The following ZNF687 variants were observed in gnomAD, a reference collection of about 807,000 sequenced individuals.
The protein encoded by ZNF687 is zinc finger protein 687.
Under a neutral mutation model 71.8 loss-of-function variants are expected in ZNF687, and 13 were observed. The ratio of observed to expected loss-of-function variants is 0.18; its 90% CI spans 0.12 to 0.29. ZNF687 has a LOEUF of 0.29. Among genes scored for constraint, ZNF687 ranks in the 10% least tolerant of loss-of-function variants. ZNF687 has a pLI of 1.00. For synonymous variants in ZNF687, 673 were observed against 641.6 expected, an observed-to-expected ratio of 1.05 and a Z score of -0.74; for missense variants, 1,412 against 1,625.6, an observed-to-expected ratio of 0.87 and a Z score of 2.26.
chr1:151,286,975 C>G lies in ZNF687; in HGVS notation c.684C>G (p.Pro228=). The change falls in exon 2 of 9, where the codon CCC becomes CCG. Residue 228 remains proline (P), a synonymous_variant. Coordinates refer to ENST00000336715, the MANE Select transcript of ZNF687 (RefSeq NM_020832.3). ...LGALKQESCS[P]HHPQVLAQQG... ...CCTTGAAGCAGGAGAGCTGCAGCCC[C>G]CATCATCCCCAGGTCCTAGCCCAAC... is the stretch of plus-strand genomic sequence containing the variant. 1 of 1,605,240 alleles carries G rather than the reference C, an allele frequency of 6.2e-7. No individual in the cohort carries two copies.
In ZNF687 at chr1:151,289,125, T is replaced by C; in HGVS notation, c.2325T>C (p.Gly775=). ...CCAGCTGTTCAGTGGTGTTTGGGGG[T>C]GTGAACTCCATCAAGTCCCACATCC... The part of the protein sequence containing the change: ...RCPSCSVVFG[G]VNSIKSHIQT... Residue 775 remains glycine (G), a synonymous_variant, in exon 4 of 9, where the codon GGT becomes GGC. Coordinates refer to ENST00000336715, the MANE Select transcript of ZNF687 (RefSeq NM_020832.3). 6.2e-7 allele frequency: 1 copy of C among 1,614,016 alleles called. No individual in the cohort carries two copies. The highest frequency in any genetic ancestry group is 8.5e-7 in the Non-Finnish European group (1 of 1,179,996).
In ZNF687 at chr1:151,291,032, C is replaced by T. The variant is rs751579153; in HGVS notation, c.3537C>T (p.Ala1179=). 3.7e-6 allele frequency: 6 copies of T among 1,613,786 alleles called. No homozygotes were observed. The African/African-American group carries it at 4.0e-5, about 11-fold the overall frequency. Residue 1179 remains alanine, a synonymous_variant, in exon 9 of 9, where the codon GCC becomes GCT. Transcript: ENST00000336715. ...ALGLGDGEEE[A]PPSRSDPDGG... Reference sequence around the variant, plus strand: ...GGCTGGGGGATGGGGAGGAAGAGGCCCCTCCATCAAGGTCTGACCCCGATG... The same window carrying T: ...GGCTGGGGGATGGGGAGGAAGAGGCTCCTCCATCAAGGTCTGACCCCGATG...
rs1453242822 is a variant in ZNF687 at position 151,288,012 on chromosome 1, A to G, written c.1721A>G (p.Asn574Ser). ...TGCGCCCGCCGCCTGGTCTTCTTCA[A>G]CAAGTGCAGCCTGCTCCTGCATGCA... ...NHCARRLVFFNKCSLLLHARE... is the reference protein window; with the variant it reads ...NHCARRLVFFSKCSLLLHARE... Residue 574 changes from asparagine (N) to serine (S), a missense_variant, in exon 2 of 9, where the codon AAC (asparagine) becomes AGC (serine). Asn to Ser is a conservative substitution (Grantham distance 46, BLOSUM62 1). Coordinates refer to ENST00000336715, the MANE Select transcript of ZNF687 (RefSeq NM_020832.3). The G allele has an allele frequency of 6.2e-7, 1 of 1,614,050 alleles. No individual in the cohort carries two copies. Among genetic ancestry groups the G allele is most frequent in the South Asian group, 1.1e-5 (1 of 91,084 alleles).
In ZNF687 at chr1:151,287,492, C is replaced by T; in HGVS notation, c.1201C>T (p.Leu401=). ...TGGTACAAGGCTGAAAGGCACTGTG[C>T]TGCCTGTGGCCACCATCCAGAACGC... ...GDGTRLKGTV[L]PVATIQNAST... Residue 401 remains leucine, a synonymous_variant, in exon 2 of 9, where the codon CTG becomes TTG. Transcript: ENST00000336715. The surrounding 1 kb of genome is among the most constrained non-coding windows in gnomAD (Gnocchi z 5.0). 6.2e-7 allele frequency: 1 copy of T among 1,614,174 alleles called. No homozygotes were observed. Among genetic ancestry groups the T allele is most frequent in the Non-Finnish European group, 8.5e-7 (1 of 1,180,044 alleles).
intron 1 of ZNF687, chr1:151,283,086 G>C (rs749667344): frequency 2.0e-6 from 2 of 985,402 alleles, no homozygotes; most frequent in Non-Finnish European, 2.4e-6. Context: ...GCTGAGGCCC[G>C]GCCTTCGCTT....
chr1:151,290,272 C>G, intron 7 of ZNF687, 38 bp downstream of exon 7: 7 of 1,610,868 alleles, frequency 4.3e-6, no homozygotes, highest in Non-Finnish European at 5.9e-6. Context: ...CTGCCCAGCA[C>G]GTGACTCTCC....
chr1:151,290,212 A>G lies in ZNF687; in HGVS notation c.3055A>G (p.Ile1019Val). ...RRHVRVNHEGIKRVYPCRYCT... is the reference protein window; with the variant it reads ...RRHVRVNHEGVKRVYPCRYCT... The stretch of plus-strand genomic sequence containing the variant: ...CCATGTCAGAGTTAATCACGAGGGC[A>G]TCAAGCGAGTTTACCCCTGCAGGTA... The change falls in exon 7 of 9, where the codon ATC (isoleucine) becomes GTC (valine). Residue 1019 changes from isoleucine (I) to valine (V), a missense_variant. Coordinates refer to ENST00000336715, the MANE Select transcript of ZNF687 (RefSeq NM_020832.3). 2 of 1,613,996 alleles carry G rather than the reference A, an allele frequency of 1.2e-6. No individual in the cohort carries two copies. Among genetic ancestry groups the G allele is most frequent in the Non-Finnish European group, 1.7e-6 (2 of 1,180,032 alleles).
At chr1:151,286,041 C>G in intron 1 of ZNF687, 1 of 358,244 alleles carries the variant, frequency 2.8e-6, no homozygotes. Flanking sequence ...ACTCTCTTTT[C>G]CCCTGCTTTC....
chr1:151,282,489 C>T (rs1053686466), intron 1 of ZNF687, 94 bp downstream of exon 1: 3 of 895,598 alleles, frequency 3.3e-6, no homozygotes, highest in Non-Finnish European at 1.3e-6. Context: ...GGTCAACTAC[C>T]CCCTTCTCCG....
At chr1:151,286,188 G>A (rs960984287) in intron 1 of ZNF687, 87 bp from the exon 2 acceptor site, 3 of 1,151,212 alleles carry the variant, frequency 2.6e-6, no homozygotes, top group African/African-American at 1.5e-5. Context: ...TTCTGAGAGA[G>A]GATAAATATG....
chr1:151,289,735 C>T lies in ZNF687; in HGVS notation c.2692C>T (p.Leu898=). 6.4e-7 allele frequency: 1 copy of T among 1,559,370 alleles called. No homozygotes were observed. Among genetic ancestry groups the T allele is most frequent in the Non-Finnish European group, 8.7e-7 (1 of 1,150,996 alleles). Residue 898 remains leucine (L), a synonymous_variant, in exon 6 of 9, where the codon CTG becomes TTG. Coordinates refer to ENST00000336715, the MANE Select transcript of ZNF687 (RefSeq NM_020832.3). ...ETAGKGAGGA[L]LTPKTEPEEL... is the part of the protein sequence containing the mutation. ...TGCTGGGAAAGGGGCCGGGGGTGCC[C>T]TGCTGACCCCCAAGACTGAGCCTGA...
At position 151,291,663 on chromosome 1, in the gene ZNF687, A is replaced by G. The variant is rs1694260547; in HGVS notation, c.*454A>G. On this transcript the variant is annotated 3_prime_UTR_variant, in exon 9 of 9. Coordinates refer to ENST00000336715, the MANE Select transcript of ZNF687 (RefSeq NM_020832.3). ...CCACCCCCGCCCCCGCCCCCGCCCA[A>G]CCCCAACTCACTGGCACTCAAGCCC... 6.8e-6 allele frequency: 1 copy of G among 146,540 alleles called. No homozygotes were observed. The highest frequency in any genetic ancestry group is 1.5e-5 in the Non-Finnish European group (1 of 66,530). 9.1% of individuals were successfully genotyped at this position (146,540 alleles called of 1,614,324 possible).
At chr1:151,286,049 T>G in intron 1 of ZNF687, 1 of 366,656 alleles carries the variant, frequency 2.7e-6, no homozygotes, top group Non-Finnish European at 4.9e-6. Context: ...TTCCCCTGCT[T>G]TCTCTGGATT....
Position 151,289,953 on chromosome 1 carries a change from C to A in ZNF687, c.2910C>A (p.Ser970=). The A allele has an allele frequency of 6.4e-7, 1 of 1,569,170 alleles. No individual in the cohort carries two copies. The change falls in exon 6 of 9, where the codon TCC becomes TCA. Residue 970 remains serine, a synonymous_variant. Coordinates refer to ENST00000336715, the MANE Select transcript of ZNF687 (RefSeq NM_020832.3). Reference sequence around the variant, plus strand: ...GCTGGACCTGTGGCCTGTGTCACTCCTGGTTCCCTGAGCGTGATGAATACG... The same window carrying A: ...GCTGGACCTGTGGCCTGTGTCACTCATGGTTCCCTGAGCGTGATGAATACG... ...PGGWTCGLCH[S]WFPERDEYVA... is the part of the protein sequence containing the mutation.
Position 151,291,195 on chromosome 1 carries a change from G to T in ZNF687, c.3700G>T (p.Val1234Phe). Residue 1234 changes from valine (V) to phenylalanine (F), a missense_variant, in exon 9 of 9, where the codon GTT (valine) becomes TTT (phenylalanine). Transcript: ENST00000336715. ...MAFIRARQGA[V>F]GDN ...GTTCATCAGGGCTCGGCAGGGGGCT[G>T]TTGGGGACAACTAGTCTCCAAGGCC... 4 of 1,610,402 alleles carry T rather than the reference G, an allele frequency of 2.5e-6. No individual in the cohort carries two copies. Among genetic ancestry groups the T allele is most frequent in the Non-Finnish European group, 3.4e-6 (4 of 1,178,268 alleles).
Position 151,290,554 on chromosome 1 carries a change from G to C in ZNF687, c.3200G>C (p.Gly1067Ala). The C allele has an allele frequency of 6.2e-7, 1 of 1,613,628 alleles. No homozygotes were observed. Among genetic ancestry groups the C allele is most frequent in the South Asian group, 1.1e-5 (1 of 91,056 alleles). ...SPGRGTTLAR[G>A]SSARAQGPGR... ...GGCCGGGGGACCACCTTGGCTCGGG[G>C]TTCCAGTGCCAGAGCCCAGGTAGGC... is the stretch of plus-strand genomic sequence containing the variant. Residue 1067 changes from glycine (G) to alanine (A), a missense_variant, in exon 8 of 9, where the codon GGT becomes GCT. By Grantham distance (60) the Gly-to-Ala change is moderately conservative. Around this residue, in one of 8 missense-constraint regions of ZNF687, gnomAD observed 284 missense variants for 359.2 expected, o/e 0.79. Transcript: ENST00000336715.
At chr1:151,282,497 C>T in intron 1 of ZNF687, 102 bp downstream of exon 1, 1 of 864,482 alleles carries the variant, frequency 1.2e-6, no homozygotes. Context: ...ACCCCCTTCT[C>T]CGCGCCGCCC....
At chr1:151,281,526 CGCGA>C, upstream of ZNF687, 1 of 471,072 alleles carries the variant, frequency 2.1e-6, no homozygotes. Flanking sequence ...GCTTCCGGTC[CGCGA>C]GCCCTTCCCA....
rs1391793221 is a variant in ZNF687 at position 151,288,671 on chromosome 1, G to C, written c.2259G>C (p.Glu753Asp). The C allele has an allele frequency of 6.2e-7, 1 of 1,613,882 alleles. No individual in the cohort carries two copies. The highest frequency in any genetic ancestry group is 1.7e-5 in the Admixed American group (1 of 59,984). The change falls in exon 3 of 9, where the codon GAG becomes GAC. Residue 753 changes from glutamate (E) to aspartate (D), a missense_variant. Transcript: ENST00000336715. ...CCAATTTTCAGACCCATCTCCGGGA[G>C]GCCTGTCTGCACGTCTCTCGCCGTG... ...LQANFQTHLR[E>D]ACLHVSRRVG...
Sources: allele counts gnomAD v4.1 joint callset, GRCh38; gene constraint gnomAD v4.1.1; regional missense constraint gnomAD v4.1.1; non-coding constraint Gnocchi (gnomAD v3.1); transcripts MANE v1.5; gene names NCBI Gene and HGNC (gene_info 2026-07-23, HGNC 2026-07-21).